AXIN1: variants seen among roughly 807,000 people sequenced by gnomAD.
AXIN1 encodes axin 1.
AXIN1 carries 30 observed loss-of-function variants against 76.4 expected under a neutral mutation model. That is an observed-to-expected ratio of 0.39 (90% CI 0.29 to 0.53). AXIN1 has a LOEUF of 0.53. Among genes scored for constraint, AXIN1 ranks in the 20% least tolerant of loss-of-function variants. The probability of loss-of-function intolerance (pLI) is 0.66; values close to 1 mark genes in which losing one functional copy is unlikely to be tolerated. For synonymous variants in AXIN1, 545 were observed against 501.4 expected, an observed-to-expected ratio of 1.09 and a Z score of -1.16; for missense variants, 1,140 against 1,198.8, an observed-to-expected ratio of 0.95 and a Z score of 0.72.
At chr16:318,525 G>A (rs753997964) in intron 2 of AXIN1, among the ~76,000 whole-genome samples, 2 of 152,188 alleles carry the variant, frequency 1.3e-5, no homozygotes, top group African/African-American at 2.4e-5. Context: ...ACAGGCGGCC[G>A]GGCTTGGCCT....
Position 291,557 on chromosome 16 carries a change from G to T in AXIN1, c.2187-260C>A, listed in dbSNP as rs1432587140. On this transcript the variant is annotated intron_variant, in intron 8 of 10. Transcript: ENST00000262320. ...TGAGTTCCCTGGACCGCACTTTGGGGAGCTTCCGATCAGGGGTGCTGGGAT... is the reference window on the plus strand; with the variant it reads ...TGAGTTCCCTGGACCGCACTTTGGGTAGCTTCCGATCAGGGGTGCTGGGAT... 5.5e-6 allele frequency: 3 copies of T among 550,098 alleles called. No individual in the cohort carries two copies. In the East Asian group the frequency reaches 9.4e-5, roughly 17 times the overall value. 34.1% of individuals were successfully genotyped at this position (550,098 alleles called of 1,614,324 possible).
chr16:294,460 CAAA>C (rs35746106), intron 7 of AXIN1, among the ~76,000 whole-genome samples: 4 of 48,310 alleles, frequency 8.3e-5, no homozygotes, highest in African/African-American at 8.5e-5. Flanking sequence ...GACTCCATCT[CAAA>C]AAAAAAAAAA....
intron 9 of AXIN1, chr16:290,032 C>G (rs577895098): frequency 3.7e-6 from 1 of 267,018 alleles, no homozygotes; most frequent in Non-Finnish European, 7.3e-6. Flanking sequence ...GACCCCGCAG[C>G]GAAGTTTGTC....
intron 2 of AXIN1, among the ~76,000 whole-genome samples, chr16:336,399 C>T (rs564010239): frequency 6.6e-6 from 1 of 152,262 alleles, no homozygotes; most frequent in East Asian, 1.9e-4. Flanking sequence ...CACTAAGGAC[C>T]GAACCGTGTC....
intron 2 of AXIN1, among the ~76,000 whole-genome samples, chr16:334,106 C>T (rs1417391037): frequency 4.7e-5 from 7 of 150,016 alleles, no homozygotes; most frequent in South Asian, 2.1e-4. Context: ...TCCAGTACCA[C>T]GGCATGCCAA....
At chr16:289,016 C>T (rs987077635) in intron 10 of AXIN1, among the ~76,000 whole-genome samples, 30 of 151,994 alleles carry the variant, frequency 2.0e-4, no homozygotes, top group African/African-American at 5.3e-4. Flanking sequence ...CAGCCTAGGG[C>T]TTGGAGAAGT....
Position 346,199 on chromosome 16 carries a change from G to T in AXIN1, c.827C>A (p.Ala276Asp), listed in dbSNP as rs2054030060. Residue 276 changes from alanine (A) to aspartate (D), a missense_variant, in exon 2 of 11, where the codon GCT (alanine) becomes GAT (aspartate). Transcript: ENST00000262320. ...TCTACTGGAGGAGACCCTCGGGGCA[G>T]CTGTCTCCAGGAGCAGCTTCTGAGG... ...RLPQKLLLET[A>D]APRVSSSRRY... is the part of the protein sequence containing the mutation. The T allele has an allele frequency of 3.1e-6, 5 of 1,614,042 alleles. No individual in the cohort carries two copies. In the East Asian group the frequency reaches 1.1e-4, roughly 36 times the overall value.
In AXIN1 at chr16:346,241, G is replaced by A. The variant is rs2141700951; in HGVS notation, c.785C>T (p.Ala262Val). Residue 262 changes from alanine (A) to valine (V), a missense_variant, in exon 2 of 11, where the codon GCT (alanine) becomes GTT (valine). Coordinates refer to ENST00000262320, the MANE Select transcript of AXIN1 (RefSeq NM_003502.4). ...DMDEDDGRDAAPPGRLPQKLL... is the reference protein window; with the variant it reads ...DMDEDDGRDAVPPGRLPQKLL... ...CTTCTGAGGGAGTCTTCCGGGGGGA[G>A]CAGCGTCTCTGCCATCGTCCTCATC... 1.9e-6 allele frequency: 3 copies of A among 1,614,038 alleles called. No individual in the cohort carries two copies. Among genetic ancestry groups the A allele is most frequent in the Middle Eastern group, 1.6e-4 (1 of 6,084 alleles).
At position 297,930 on chromosome 16, in the gene AXIN1, C is replaced by T. The variant is rs141148118; in HGVS notation, c.1576G>A (p.Ala526Thr). 1,223 of 1,600,012 alleles carry T rather than the reference C, an allele frequency of 7.6e-4. No individual in the cohort carries two copies. The highest frequency in any genetic ancestry group is 9.9e-4 in the Middle Eastern group (6 of 6,032). Residue 526 changes from alanine (A) to threonine (T), a missense_variant, in exon 6 of 11, where the codon GCG (alanine) becomes ACG (threonine). Physicochemically the swap from Ala to Thr is moderately conservative, Grantham distance 58. Coordinates refer to ENST00000262320, the MANE Select transcript of AXIN1 (RefSeq NM_003502.4). Reference protein sequence around the residue: ...HVPKSGAKLDAAGLHHHRHVH... With the variant: ...HVPKSGAKLDTAGLHHHRHVH... ...TGTCGGTGGTGGTGCAGGCCGGCCGCGTCCAGCTTCGCCCCTGACTTGGGT... is the reference window on the plus strand; with the variant it reads ...TGTCGGTGGTGGTGCAGGCCGGCCGTGTCCAGCTTCGCCCCTGACTTGGGT...
Position 297,147 on chromosome 16 carries a change from C to T in AXIN1, c.1864G>A (p.Ala622Thr), listed in dbSNP as rs2141503226. 1 of 1,612,526 alleles carries T rather than the reference C, an allele frequency of 6.2e-7. No individual in the cohort carries two copies. Among genetic ancestry groups the T allele is most frequent in the Non-Finnish European group, 8.5e-7 (1 of 1,179,958 alleles). ...GKSASTEVPG[A>T]SEDAEKNQKI... ...TGGTTCTTCTCCGCATCCTCCGAGG[C>T]ACCTGGCACCTCGGTGCTGGCGCTC... Residue 622 changes from alanine to threonine, a missense_variant, in exon 7 of 11, where the codon GCC becomes ACC. Coordinates refer to ENST00000262320, the MANE Select transcript of AXIN1 (RefSeq NM_003502.4).
At chr16:326,614 G>GGT (rs2053589694) in intron 2 of AXIN1, among the ~76,000 whole-genome samples, 1 of 149,224 alleles carries the variant, frequency 6.7e-6, no homozygotes, top group South Asian at 2.1e-4. Flanking sequence ...TGGGCGTGGT[G>GGT]GCACGCCTGT....
intron 2 of AXIN1, among the ~76,000 whole-genome samples, chr16:326,372 A>AAAAAAAAAAAAAAATATATATATAT (rs1380874299): frequency 1.2e-5 from 1 of 86,470 alleles, no homozygotes; most frequent in African/African-American, 5.8e-5. Context: ...AAAAAAAAAA[A>AAAAAAAAAAAAAAATATATATATAT]ATATATATAT....
intron 4 of AXIN1, among the ~76,000 whole-genome samples, chr16:308,772 A>T (rs2053095901): frequency 6.6e-6 from 1 of 152,162 alleles, no homozygotes; most frequent in East Asian, 1.9e-4. Context: ...CACAGCCTAC[A>T]GTGTCAGCCA....
In AXIN1 at chr16:327,364, C is replaced by T. The variant is rs1386744379; in HGVS notation, c.879-12681G>A. Among the ~76,000 whole-genome samples the T allele has an allele frequency of 2.0e-5, 3 of 152,174 alleles. No individual in the cohort carries two copies. The East Asian group carries it at 5.8e-4, about 29-fold the overall frequency. On this transcript the variant is annotated intron_variant, in intron 2 of 10. Coordinates refer to ENST00000262320, the MANE Select transcript of AXIN1 (RefSeq NM_003502.4). ...TTTCTCGGTCACTCAGGGTGGCAGA[C>T]ACAAAAGGGCAAGAGAATGAGTCAC...
intron 2 of AXIN1, among the ~76,000 whole-genome samples, chr16:332,573 C>T (rs1266260165): frequency 7.0e-6 from 1 of 142,732 alleles, no homozygotes; most frequent in Admixed American, 7.2e-5. Context: ...GAGACTCCTT[C>T]TCAAAAAAAA....
At position 297,102 on chromosome 16, in the gene AXIN1, T is replaced by A; in HGVS notation, c.1909A>T (p.Ile637Phe). Residue 637 changes from isoleucine (I) to phenylalanine (F), a missense_variant, in exon 7 of 11, where the codon ATT becomes TTT. Ile to Phe is a conservative substitution (Grantham distance 21). Transcript: ENST00000262320. The part of the protein sequence containing the change: ...EKNQKIMQWI[I>F]EGEKEISRHR... ...CTGCTGATCTCCTTTTCCCCCTCAA[T>A]GATCCACTGCATGATTTTCTGGTTC... The A allele has an allele frequency of 6.2e-7, 1 of 1,612,808 alleles. No homozygotes were observed. The highest frequency in any genetic ancestry group is 1.3e-5 in the African/African-American group (1 of 75,044).
intron 1 of AXIN1, among the ~76,000 whole-genome samples, chr16:349,920 T>A (rs901316213): frequency 6.6e-6 from 1 of 152,122 alleles, no homozygotes; most frequent in Admixed American, 6.5e-5. Flanking sequence ...AGCCTCAGCC[T>A]CTCAAGTGGC....
chr16:326,394 T>TATATATATACACACAC (rs144093618), intron 2 of AXIN1, among the ~76,000 whole-genome samples: 1 of 119,660 alleles, frequency 8.4e-6, no homozygotes, highest in Non-Finnish European at 1.7e-5. Flanking sequence ...TATATATATA[T>TATATATATACACACAC]ACACACCTAT....
chr16:289,103 GGT>G (rs2052477606), intron 10 of AXIN1, among the ~76,000 whole-genome samples: 1 of 151,466 alleles, frequency 6.6e-6, no homozygotes, highest in African/African-American at 2.4e-5. Flanking sequence ...TTTGGGCGGG[GGT>G]AGAGACAGAG....
Sources: allele counts gnomAD v4.1 joint callset (sites outside exome capture counted in the v4.1 genomes callset), GRCh38; gene constraint gnomAD v4.1.1; transcripts MANE v1.5; gene names NCBI Gene and HGNC (gene_info 2026-07-23, HGNC 2026-07-21).